RAB21: variants seen among roughly 807,000 people sequenced by gnomAD.
RAB21 encodes ras-related protein Rab-21.
Under a neutral mutation model 33.1 loss-of-function variants are expected in RAB21, and 13 were observed. The ratio of observed to expected loss-of-function variants is 0.39; its 90% CI spans 0.26 to 0.62. The LOEUF (loss-of-function observed/expected upper bound fraction) is 0.62, where lower values mean the gene tolerates loss of function less well. Among genes scored for constraint, RAB21 ranks in the 20% least tolerant of loss-of-function variants. RAB21 has a pLI of 0.48. For missense variants in RAB21, 234 were observed against 279.1 expected (o/e 0.84, Z 1.15); for synonymous variants, 91 against 103.7 (o/e 0.88, Z 0.74).
In RAB21 at chr12:71,785,879, G is replaced by GTTTTTTTTTTGT; in HGVS notation, c.*215_*216insTGTTTTTTTTTT. On this transcript the variant is annotated 3_prime_UTR_variant, in exon 7 of 7. Transcript: ENST00000261263. ...CAGAGAATTGGCATTTTCTACAAAT[G>GTTTTTTTTTTGT]TTTTTTTTTGTTTTTTTTTTGTTTT... 3 of 397,156 alleles carry GTTTTTTTTTTGT rather than the reference G, an allele frequency of 7.6e-6. No individual in the cohort carries two copies. Among genetic ancestry groups the GTTTTTTTTTTGT allele is most frequent in the Non-Finnish European group, 4.2e-6 (1 of 236,838 alleles). 24.6% of individuals were successfully genotyped at this position (397,156 alleles called of 1,614,324 possible). A position where few individuals can be genotyped will look rare whatever the true frequency, so the allele number is the denominator to read the frequency against.
Position 71,796,784 on chromosome 12 carries a change from A to G in RAB21, c.*11111A>G, listed in dbSNP as rs1883468248. Reference sequence around the variant, plus strand: ...GAACATTTAATCAAACCTGTTGACTAAGAGCTTTAGTTTGGCTTACAATTT... The same window carrying G: ...GAACATTTAATCAAACCTGTTGACTGAGAGCTTTAGTTTGGCTTACAATTT... On this transcript the variant is annotated 3_prime_UTR_variant, in exon 7 of 7. Coordinates refer to ENST00000261263, the MANE Select transcript of RAB21 (RefSeq NM_014999.4). 1.1e-5 allele frequency: 1 copy of G among 90,306 alleles called. No homozygotes were observed. Among genetic ancestry groups the G allele is most frequent in the Non-Finnish European group, 2.0e-5 (1 of 49,418 alleles). The allele number at this position is 90,306 out of a possible 1,614,324, so 5.6% of individuals were successfully genotyped here.
In RAB21 at chr12:71,794,544, C is replaced by T. The variant is rs1395196294; in HGVS notation, c.*8871C>T. On this transcript the variant is annotated 3_prime_UTR_variant, in exon 7 of 7. Transcript: ENST00000261263. ...CTCCGGCTCCCGAGTTCACACCATT[C>T]TCCTGCCTCAGCCTCCCGAGTAGCT... 1 of 139,104 alleles carries T rather than the reference C, an allele frequency of 7.2e-6. No homozygotes were observed. The highest frequency in any genetic ancestry group is 1.5e-5 in the Non-Finnish European group (1 of 65,112). The allele number at this position is 139,104 out of a possible 1,614,324, so 8.6% of individuals were successfully genotyped here. A position where few individuals can be genotyped will look rare whatever the true frequency, so the allele number is the denominator to read the frequency against.
chr12:71,794,427 A>ATATATATATAT lies in RAB21; in HGVS notation c.*8755_*8756insATATATATATT, dbSNP rs1883435502. 3.6e-5 allele frequency: 1 copy of ATATATATATAT among 27,964 alleles called. No individual in the cohort carries two copies. The highest frequency in any genetic ancestry group is 1.3e-4 in the African/African-American group (1 of 7,894). The allele number at this position is 27,964 out of a possible 1,614,324, so 1.7% of individuals were successfully genotyped here. ...ATATTATATATATATATATATATAT[A>ATATATATATAT]TTTTTTTTTTTTTTTTTTTTTTTTT... is the stretch of plus-strand genomic sequence containing the variant. On this transcript the variant is annotated 3_prime_UTR_variant, in exon 7 of 7. Coordinates refer to ENST00000261263, the MANE Select transcript of RAB21 (RefSeq NM_014999.4).
At chr12:71,768,694 C>T (rs1254707332) in intron 1 of RAB21, among the ~76,000 whole-genome samples, 1 of 152,020 alleles carries the variant, frequency 6.6e-6, no homozygotes, top group Non-Finnish European at 1.5e-5. Context: ...AGTGATTCTC[C>T]CTTGTCAGTA....
rs887430768 is a variant in RAB21 at position 71,787,557 on chromosome 12, G to C, written c.*1884G>C. 3 of 152,130 alleles carry C rather than the reference G, an allele frequency of 2.0e-5. No homozygotes were observed. The highest frequency in any genetic ancestry group is 7.2e-5 in the African/African-American group (3 of 41,410). 9.4% of individuals were successfully genotyped at this position (152,130 alleles called of 1,614,324 possible). ...AAAAGAAATACTGCCATATTTTTAA[G>C]TTAATAACTTAAACCTTCTCAAATG... is the stretch of plus-strand genomic sequence containing the variant. On this transcript the variant is annotated 3_prime_UTR_variant, in exon 7 of 7. Coordinates refer to ENST00000261263, the MANE Select transcript of RAB21 (RefSeq NM_014999.4).
chr12:71,769,835 G>A lies in RAB21; in HGVS notation c.195G>A (p.Gly65=). ...TAACAAAGAAGTTAAATATTGGTGG[G>A]AAAAGAGTAAACCTTGCCATATGGG... The part of the protein sequence containing the change: ...SFLTKKLNIG[G]KRVNLAIWDT... Residue 65 remains glycine, a synonymous_variant, in exon 2 of 7, where the codon GGG becomes GGA. Transcript: ENST00000261263. The A allele has an allele frequency of 7.2e-7, 1 of 1,389,218 alleles. No homozygotes were observed. The highest frequency in any genetic ancestry group is 9.5e-7 in the Non-Finnish European group (1 of 1,047,602). The allele number at this position is 1,389,218 out of a possible 1,614,324, so 86.1% of individuals were successfully genotyped here.
intron 1 of RAB21, among the ~76,000 whole-genome samples, chr12:71,760,052 G>A (rs1413747186): frequency 6.6e-6 from 1 of 152,064 alleles, no homozygotes; most frequent in African/African-American, 2.4e-5. Flanking sequence ...AAATGATGCG[G>A]GATTTATGTT....
chr12:71,784,195 T>G (rs779013432), intron 6 of RAB21, among the ~76,000 whole-genome samples: 14 of 152,204 alleles, frequency 9.2e-5, no homozygotes, highest in Non-Finnish European at 1.3e-4. Flanking sequence ...CCCTCTTTTC[T>G]TCCTTCATCT....
At chr12:71,760,985 G>T in intron 1 of RAB21, among the ~76,000 whole-genome samples, 1 of 151,522 alleles carries the variant, frequency 6.6e-6, no homozygotes, top group Non-Finnish European at 1.5e-5. Context: ...TGGGAGGATT[G>T]CTTGAGGACA....
chr12:71,773,852 G>T, intron 3 of RAB21, 107 bp from the exon 4 acceptor site: 5 of 709,332 alleles, frequency 7.0e-6, no homozygotes, highest in East Asian at 5.9e-5. Context: ...AAATAATATA[G>T]ACTCTTAAAA....
chr12:71,780,727 G>C (rs1316190352), intron 4 of RAB21, among the ~76,000 whole-genome samples: 1 of 152,102 alleles, frequency 6.6e-6, no homozygotes, highest in Non-Finnish European at 1.5e-5. Flanking sequence ...TAGAACCTTT[G>C]GACTTGTCCA....
rs985503542 is a variant in RAB21 at position 71,796,399 on chromosome 12, G to T, written c.*10726G>T. On this transcript the variant is annotated 3_prime_UTR_variant, in exon 7 of 7. Transcript: ENST00000261263. ...TCATCTTATGAAAGATTAACTTAGA[G>T]GTTAGAATGCTTACATTTGCAAATA... The T allele has an allele frequency of 5.8e-5, 8 of 137,236 alleles. 1 individual carries two copies. The highest frequency in any genetic ancestry group is 2.4e-4 in the African/African-American group (8 of 34,002). The allele number at this position is 137,236 out of a possible 1,614,324, so 8.5% of individuals were successfully genotyped here. A position where few individuals can be genotyped will look rare whatever the true frequency, so the allele number is the denominator to read the frequency against.
Position 71,785,672 on chromosome 12 carries a change from A to G in RAB21, c.677A>G (p.Ter226=), listed in dbSNP as rs1262598053. Residue 226 remains the stop codon, a stop_retained_variant, in exon 7 of 7, where the codon TAA becomes TGA. Transcript: ENST00000261263. ...TSGGGCCSSG[*] The stretch of plus-strand genomic sequence containing the variant: ...GGTGGAGGGTGCTGTTCTTCTGGAT[A>G]ACTGTTCACGCCTAAGAAATTAAAA... 10 of 1,614,144 alleles carry G rather than the reference A, an allele frequency of 6.2e-6. No homozygotes were observed. The Admixed American group carries it at 1.5e-4, about 24-fold the overall frequency.
intron 4 of RAB21, among the ~76,000 whole-genome samples, chr12:71,780,701 C>T (rs1206749592): frequency 6.6e-6 from 1 of 152,136 alleles, no homozygotes; most frequent in Non-Finnish European, 1.5e-5. Flanking sequence ...TCAGATTATT[C>T]GAGGTCCTCA....
intron 3 of RAB21, among the ~76,000 whole-genome samples, chr12:71,771,898 C>T (rs887341120): frequency 3.0e-4 from 45 of 151,638 alleles, no homozygotes; most frequent in African/African-American, 1.0e-3. Flanking sequence ...CTTGCTTAAA[C>T]TGGGGAGGCA....
intron 1 of RAB21, among the ~76,000 whole-genome samples, chr12:71,766,908 A>G (rs1014200678): frequency 3.9e-5 from 6 of 152,300 alleles, no homozygotes; most frequent in Non-Finnish European, 8.8e-5. Flanking sequence ...CACGTTGTGG[A>G]AGTCTTTGGA....
chr12:71,782,426 A>G (rs1280825852), intron 5 of RAB21, 144 bp from the exon 6 acceptor site: 1 of 559,184 alleles, frequency 1.8e-6, no homozygotes, highest in Admixed American at 3.6e-5. Flanking sequence ...TTTAATGTAT[A>G]GAGAATTTAA....
chr12:71,756,505 C>T (rs2137635770), intron 1 of RAB21, among the ~76,000 whole-genome samples: 1 of 152,304 alleles, frequency 6.6e-6, no homozygotes, highest in African/African-American at 2.4e-5. Context: ...TATTAAACTA[C>T]TGAGTCTAGA....
At chr12:71,785,457 G>A in intron 6 of RAB21, 74 bp from the exon 7 acceptor site, 4 of 1,529,812 alleles carry the variant, frequency 2.6e-6, no homozygotes, top group Non-Finnish European at 3.6e-6. Context: ...CTATCATAGT[G>A]TTATACTGAA....
Sources: allele counts gnomAD v4.1 joint callset (sites outside exome capture counted in the v4.1 genomes callset), GRCh38; gene constraint gnomAD v4.1.1; transcripts MANE v1.5; gene names NCBI Gene and HGNC (gene_info 2026-07-23, HGNC 2026-07-21).